The following TRIOBP variants were observed in gnomAD, a reference collection of about 807,000 sequenced individuals.
TRIOBP encodes the protein TRIO and F-actin binding protein, also known as TRIO and F-actin-binding protein.
In TRIOBP, 169 loss-of-function variants were observed where a neutral mutation model predicts 238.8. The observed-to-expected ratio is 0.71, with a 90% confidence interval of 0.62 to 0.80. The LOEUF (loss-of-function observed/expected upper bound fraction) is 0.80. TRIOBP is among the 30% of genes least tolerant of loss of function. The probability of loss-of-function intolerance (pLI) is 0.00; values close to 1 mark genes in which losing one functional copy is unlikely to be tolerated. For synonymous variants in TRIOBP, 1,150 were observed against 1,274.4 expected (o/e 0.90, Z 2.08); for missense variants, 2,838 against 3,122.6 (o/e 0.91, Z 2.17).
At chr22:37,728,310 T>TGTA (rs1924276532) in intron 7 of TRIOBP, among the ~76,000 whole-genome samples, 3 of 150,720 alleles carry the variant, frequency 2.0e-5, no homozygotes, top group Admixed American at 2.0e-4. Flanking sequence ...GGCACACGCC[T>TGTA]GTAGTCCCAG....
intron 3 of TRIOBP, among the ~76,000 whole-genome samples, chr22:37,704,659 CAA>C (rs34869545): frequency 7.6e-6 from 1 of 132,396 alleles, no homozygotes; most frequent in Non-Finnish European, 1.6e-5. Context: ...AAAGTTTCTC[CAA>C]AAAAAAAAAA....
intron 10 of TRIOBP, among the ~76,000 whole-genome samples, 194 bp downstream of exon 10, chr22:37,738,913 G>C (rs1924808398): frequency 6.6e-6 from 1 of 152,158 alleles, no homozygotes; most frequent in African/African-American, 2.4e-5. Flanking sequence ...TGGGGACCTG[G>C]GTAGGTGGGC....
At chr22:37,727,723 G>C (rs1265457665) in intron 7 of TRIOBP, among the ~76,000 whole-genome samples, 1 of 152,126 alleles carries the variant, frequency 6.6e-6, no homozygotes, top group Non-Finnish European at 1.5e-5. Flanking sequence ...AAGAAAGAAA[G>C]CTCACAGAAT....
intron 5 of TRIOBP, among the ~76,000 whole-genome samples, chr22:37,715,212 A>C (rs1227520868): frequency 2.6e-5 from 4 of 151,988 alleles, no homozygotes; most frequent in Non-Finnish European, 5.9e-5. Flanking sequence ...ACAGGGTTTC[A>C]CCATGTTGGC....
chr22:37,746,060 TCCCGCCGC>T (rs1290333308), intron 11 of TRIOBP, among the ~76,000 whole-genome samples: 4 of 128,798 alleles, frequency 3.1e-5, no homozygotes, highest in Non-Finnish European at 4.9e-5. Context: ...CGTCCCGCCG[TCCCGCCGC>T]CCCGCCGCCC....
rs533377989 is a variant in TRIOBP, at chr22:37,712,682, C to T, written c.255-528C>T. Among the ~76,000 whole-genome samples, 23 of 151,602 alleles carry T rather than the reference C, an allele frequency of 1.5e-4. No homozygotes were observed. In the South Asian group the frequency reaches 4.6e-3, roughly 30 times the overall value. On this transcript the variant is annotated intron_variant, in intron 4 of 23. Transcript: ENST00000644935. ...ACTTTAAAGGGATGCTGTTGCTGGG[C>T]GCAGTGGCTCACGCCTGTAATCCCA...
At chr22:37,743,527 G>A (rs1359134267) in intron 11 of TRIOBP, among the ~76,000 whole-genome samples, 1 of 152,212 alleles carries the variant, frequency 6.6e-6, no homozygotes, top group East Asian at 1.9e-4. Context: ...AGGATGTGCT[G>A]TGGGCTTAGG....
In TRIOBP at chr22:37,774,123, TAA is replaced by T. The variant is rs35269997; in HGVS notation, c.*359_*360del. On this transcript the variant is annotated 3_prime_UTR_variant, in exon 24 of 24. Coordinates refer to ENST00000644935, the MANE Select transcript of TRIOBP (RefSeq NM_001039141.3). ...TTTTTTTCCAAAACACTTTATACTTTAAAAAAAAAAAAAAAAAGCAATTCCTG... is the reference window on the plus strand; with the variant it reads ...TTTTTTTCCAAAACACTTTATACTTTAAAAAAAAAAAAAAAGCAATTCCTG... 311 of 139,572 alleles carry T rather than the reference TAA, an allele frequency of 2.2e-3. 2 individuals are homozygous for T. The highest frequency in any genetic ancestry group is 7.5e-3 in the African/African-American group (284 of 37,644). The allele number at this position is 139,572 out of a possible 1,614,324, so 8.6% of individuals were successfully genotyped here. A position where few individuals can be genotyped will look rare whatever the true frequency, so the allele number is the denominator to read the frequency against.
chr22:37,700,837 A>G (rs1196724912), intron 2 of TRIOBP, among the ~76,000 whole-genome samples: 2 of 152,138 alleles, frequency 1.3e-5, no homozygotes, highest in African/African-American at 4.8e-5. Context: ...GATTACAGGC[A>G]CGTGCCATCA....
At chr22:37,719,989 C>CACACTGCACTCACTGTTTCA (rs367687004) in intron 6 of TRIOBP, among the ~76,000 whole-genome samples, 34 of 71,254 alleles carry the variant, frequency 4.8e-4, no homozygotes, top group Admixed American at 8.7e-4. Flanking sequence ...TTTCACTCAT[C>CACACTGCACTCACTGTTTCA]CCCCCCCGCC....
chr22:37,749,543 TGAA>T (rs1290495590), intron 11 of TRIOBP, among the ~76,000 whole-genome samples: 1 of 151,904 alleles, frequency 6.6e-6, no homozygotes, highest in African/African-American at 2.4e-5. Context: ...TTCTAGCAGG[TGAA>T]GAAGAGGTAG....
rs1924144023 is a variant in TRIOBP at position 37,726,137 on chromosome 22, C to G, written c.3581C>G (p.Thr1194Ser). Residue 1194 changes from threonine to serine, a missense_variant, in exon 7 of 24, where the codon ACT becomes AGT. Transcript: ENST00000644935. ...PSLFFQDPPGTSMESLAPSTD... is the reference protein window; with the variant it reads ...PSLFFQDPPGSSMESLAPSTD... ...CTCTTCTTCCAGGATCCCCCTGGAA[C>G]TAGTATGGAGAGCCTGGCCCCCTCC... 1 of 1,553,258 alleles carries G rather than the reference C, an allele frequency of 6.4e-7. No individual in the cohort carries two copies. Among genetic ancestry groups the G allele is most frequent in the African/African-American group, 1.4e-5 (1 of 73,262 alleles).
chr22:37,738,462 A>G (rs550331860), intron 9 of TRIOBP, among the ~76,000 whole-genome samples, 180 bp from the exon 10 acceptor site: 123 of 152,268 alleles, frequency 8.1e-4, no homozygotes, highest in African/African-American at 2.9e-3. Flanking sequence ...GATGATGGGT[A>G]CATGAGAGGG....
chr22:37,718,881 C>G (rs1923679675), intron 6 of TRIOBP, among the ~76,000 whole-genome samples: 1 of 128,250 alleles, frequency 7.8e-6, no homozygotes, highest in Non-Finnish European at 1.6e-5. Flanking sequence ...GAGTCTTGCT[C>G]TGTTCCCCAG....
At chr22:37,773,614 G>C (rs1200723038) in intron 23 of TRIOBP, among the ~76,000 whole-genome samples, 169 bp from the exon 24 acceptor site, 1 of 152,142 alleles carries the variant, frequency 6.6e-6, no homozygotes, top group East Asian at 1.9e-4. Context: ...ATGCAGGAGA[G>C]GCCACCCTAT....
chr22:37,766,485 C>T (rs78524875), intron 18 of TRIOBP, among the ~76,000 whole-genome samples: 2,110 of 152,370 alleles, frequency 0.014, 52 homozygotes, highest in African/African-American at 0.048. Flanking sequence ...CTCTGCATTT[C>T]AGGAAGATCG....
At chr22:37,714,263 C>A (rs2145822909) in intron 5 of TRIOBP, among the ~76,000 whole-genome samples, 1 of 152,342 alleles carries the variant, frequency 6.6e-6, no homozygotes, top group East Asian at 1.9e-4. Context: ...AAGCTCTTGG[C>A]TTCAATGGAT....
Position 37,725,781 on chromosome 22 carries a change from GC to G in TRIOBP, c.3232del (p.Arg1078AlafsTer135). On this transcript the variant is annotated frameshift_variant, in exon 7 of 24. Coordinates refer to ENST00000644935, the MANE Select transcript of TRIOBP (RefSeq NM_001039141.3). LOFTEE classifies it high-confidence loss of function. ...ACCGAGATGCCCCCCGGGCGTCCTC[GC>G]CCCCCCGCCACACCCAATTTGACCC... is the stretch of plus-strand genomic sequence containing the variant. Reference protein sequence around the residue: ...GHRDAPRASSPPRHTQFDPFP... With the variant: ...GHRDAPRASSXPRHTQFDPFP... 2 of 1,388,492 alleles carry G rather than the reference GC, an allele frequency of 1.4e-6. No individual in the cohort carries two copies. Among genetic ancestry groups the G allele is most frequent in the Non-Finnish European group, 9.4e-7 (1 of 1,068,856 alleles). The allele number at this position is 1,388,492 out of a possible 1,614,324, so 86.0% of individuals were successfully genotyped here. A position where few individuals can be genotyped will look rare whatever the true frequency, so the allele number is the denominator to read the frequency against.
intron 18 of TRIOBP, among the ~76,000 whole-genome samples, chr22:37,767,222 GC>G (rs1926542755): frequency 6.9e-6 from 1 of 145,858 alleles, no homozygotes; most frequent in Non-Finnish European, 1.5e-5. Flanking sequence ...CTGCACTCCA[GC>G]CTGGGTGACA....
Sources: allele counts gnomAD v4.1 joint callset (sites outside exome capture counted in the v4.1 genomes callset), GRCh38; gene constraint gnomAD v4.1.1; transcripts MANE v1.5; gene names NCBI Gene and HGNC (gene_info 2026-07-23, HGNC 2026-07-21).